The following TTLL5 variants were observed in gnomAD, a reference collection of about 807,000 sequenced individuals.
The protein encoded by TTLL5 is tubulin tyrosine ligase like 5.
Under a neutral mutation model 168.4 loss-of-function variants are expected in TTLL5, and 132 were observed. The observed-to-expected ratio is 0.78, with a 90% CI of 0.68 to 0.91. The LOEUF is 0.91. TTLL5 is among the 40% of genes least tolerant of loss of function. TTLL5 has a pLI of 0.00. For missense variants in TTLL5, 1,545 were observed against 1,581.5 expected (o/e 0.98, Z 0.39); for synonymous variants, 546 against 558.6 (o/e 0.98, Z 0.32).
chr14:75,681,141 GAAGGTCTATTA>G (rs1884579512), intron 3 of TTLL5, among the ~76,000 whole-genome samples: 1 of 152,024 alleles, frequency 6.6e-6, no homozygotes, highest in Non-Finnish European at 1.5e-5. Context: ...ACAATCTAGT[GAAGGTCTATTA>G]ACTACTATAA....
intron 31 of TTLL5, among the ~76,000 whole-genome samples, chr14:75,929,748 C>T (rs531455270): frequency 4.6e-5 from 7 of 152,136 alleles, no homozygotes; most frequent in African/African-American, 1.2e-4. Flanking sequence ...CCACTACGCC[C>T]GGCCAAAGAT....
At chr14:75,928,397 T>TC in intron 31 of TTLL5, among the ~76,000 whole-genome samples, 1 of 127,964 alleles carries the variant, frequency 7.8e-6, no homozygotes, top group African/African-American at 3.0e-5. Context: ...CTCTATCATT[T>TC]CCTGGGCAAA....
chr14:75,776,796 A>G lies in TTLL5; in HGVS notation c.2333A>G (p.Glu778Gly). 1.9e-6 allele frequency: 3 copies of G among 1,614,028 alleles called. No homozygotes were observed. The highest frequency in any genetic ancestry group is 2.5e-6 in the Non-Finnish European group (3 of 1,179,922). The change falls in exon 23 of 32, where the codon GAA (glutamate) becomes GGA (glycine). Residue 778 changes from glutamate (E) to glycine (G), a missense_variant. By Grantham distance (98) the Glu-to-Gly change is moderately conservative. Transcript: ENST00000298832. ...EKKSKKKVEEEEEDGVNMENF... is the reference protein window; with the variant it reads ...EKKSKKKVEEGEEDGVNMENF... The stretch of plus-strand genomic sequence containing the variant: ...AAATCAAAGAAGAAAGTTGAGGAAG[A>G]AGAGGAAGATGGGGTGAATATGGAA...
At chr14:75,765,755 T>C (rs909710058) in intron 19 of TTLL5, among the ~76,000 whole-genome samples, 3 of 152,058 alleles carry the variant, frequency 2.0e-5, no homozygotes, top group Non-Finnish European at 4.4e-5. Flanking sequence ...CCCAGCTACT[T>C]GGAAGGCTGA....
intron 28 of TTLL5, among the ~76,000 whole-genome samples, chr14:75,824,338 G>C (rs1206486609): frequency 6.6e-6 from 1 of 152,170 alleles, no homozygotes; most frequent in East Asian, 1.9e-4. Flanking sequence ...GAAACAATCA[G>C]AGCAGTGGCA....
intron 2 of TTLL5, 62 bp downstream of exon 2, chr14:75,663,285 T>C (rs1022954908): frequency 4.2e-5 from 61 of 1,444,254 alleles, no homozygotes; most frequent in South Asian, 3.8e-4. Flanking sequence ...TATACTCTTA[T>C]ATACTGTTTT....
At chr14:75,933,246 C>T (rs2034331131) in intron 31 of TTLL5, among the ~76,000 whole-genome samples, 1 of 152,030 alleles carries the variant, frequency 6.6e-6, no homozygotes, top group South Asian at 2.1e-4. Flanking sequence ...TATTTGAGCC[C>T]AGGAGTTCCA....
At chr14:75,760,744 C>T (rs566297165) in intron 18 of TTLL5, among the ~76,000 whole-genome samples, 1 of 152,086 alleles carries the variant, frequency 6.6e-6, no homozygotes, top group South Asian at 2.1e-4. Flanking sequence ...TGAACCCCAA[C>T]CGCTGTTTCC....
At chr14:75,723,715 T>C (rs147497587) in intron 12 of TTLL5, among the ~76,000 whole-genome samples, 1 of 152,320 alleles carries the variant, frequency 6.6e-6, no homozygotes, top group East Asian at 1.9e-4. Context: ...AGCTGTGACT[T>C]TCTCTGACTC....
chr14:75,866,218 G>A (rs2030504714), intron 29 of TTLL5, among the ~76,000 whole-genome samples: 1 of 152,180 alleles, frequency 6.6e-6, no homozygotes, highest in Admixed American at 6.5e-5. Context: ...TTATACCTTT[G>A]TAGCTTAGCT....
In TTLL5 at chr14:75,669,408, C is replaced by A; in HGVS notation, c.75-8C>A. ...TGTAAATTAATGAAGGCTTTTTTGT[C>A]GTTATAGGGATCATCCATGCATCAT... On this transcript the variant is annotated splice_region_variant and splice_polypyrimidine_tract_variant and intron_variant, in intron 2 of 31. Transcript: ENST00000298832. 1 of 1,606,174 alleles carries A rather than the reference C, an allele frequency of 6.2e-7. No homozygotes were observed. Among genetic ancestry groups the A allele is most frequent in the South Asian group, 1.1e-5 (1 of 90,204 alleles).
chr14:75,807,765 C>T (rs1042862239), intron 27 of TTLL5, among the ~76,000 whole-genome samples: 1 of 152,116 alleles, frequency 6.6e-6, no homozygotes, highest in African/African-American at 2.4e-5. Context: ...TCTCATTAGA[C>T]GAAAGTGACC....
chr14:75,927,001 G>T (rs1247448366), intron 31 of TTLL5, among the ~76,000 whole-genome samples: 1 of 152,202 alleles, frequency 6.6e-6, no homozygotes, highest in Non-Finnish European at 1.5e-5. Flanking sequence ...GCCGAGAAAT[G>T]GGGAGTGACT....
At chr14:75,947,456 G>A (rs995951369) in intron 31 of TTLL5, among the ~76,000 whole-genome samples, 5 of 151,900 alleles carry the variant, frequency 3.3e-5, no homozygotes, top group Non-Finnish European at 7.4e-5. Flanking sequence ...ACCTTTTCTC[G>A]TCAACTTACT....
intron 28 of TTLL5, among the ~76,000 whole-genome samples, chr14:75,849,533 A>G (rs373351782): frequency 7.9e-5 from 12 of 152,358 alleles, no homozygotes; most frequent in African/African-American, 2.9e-4. Context: ...CTGGTAATTG[A>G]GATGTCAGTT....
At chr14:75,908,006 T>G (rs1285224873) in intron 31 of TTLL5, among the ~76,000 whole-genome samples, 1 of 152,228 alleles carries the variant, frequency 6.6e-6, no homozygotes, top group Admixed American at 6.5e-5. Context: ...TTAGTATCCT[T>G]TACAATCCAC....
chr14:75,685,189 C>T (rs61980778), intron 5 of TTLL5, among the ~76,000 whole-genome samples: 61,325 of 151,280 alleles, frequency 0.41, 13,957 homozygotes, highest in East Asian at 0.62. Context: ...TGGAGACCAC[C>T]CTGGGCAACA....
chr14:75,874,768 A>G (rs933247942), intron 29 of TTLL5, among the ~76,000 whole-genome samples: 5 of 152,076 alleles, frequency 3.3e-5, no homozygotes, highest in Admixed American at 6.6e-5. Context: ...TCACAACACT[A>G]TTCTTAAAAA....
intron 28 of TTLL5, among the ~76,000 whole-genome samples, chr14:75,852,067 C>T (rs1271503468): frequency 6.6e-6 from 1 of 152,166 alleles, no homozygotes; most frequent in East Asian, 1.9e-4. Context: ...AATTTTTATT[C>T]TCATTTCACA....
Sources: allele counts gnomAD v4.1 joint callset (sites outside exome capture counted in the v4.1 genomes callset), GRCh38; gene constraint gnomAD v4.1.1; transcripts MANE v1.5; gene names NCBI Gene and HGNC (gene_info 2026-07-23, HGNC 2026-07-21).